SLC6A19: variants seen among roughly 807,000 people sequenced by gnomAD.
The protein encoded by SLC6A19 is solute carrier family 6 member 19, also known as sodium-dependent neutral amino acid transporter B(0)AT1.
A neutral mutation model predicts 68.3 loss-of-function variants in SLC6A19; 67 were observed. The observed-to-expected ratio is 0.98, with a 90% CI of 0.81 to 1.20. The LOEUF (loss-of-function observed/expected upper bound fraction) is 1.20, where lower values mean the gene tolerates loss of function less well. Ranked by LOEUF, SLC6A19 falls within the 50% of genes most tolerant of loss-of-function variation. The probability of loss-of-function intolerance (pLI) is 0.00; values close to 1 mark genes in which losing one functional copy is unlikely to be tolerated. For missense variants in SLC6A19, 813 were observed against 851.6 expected (o/e 0.95, Z 0.56); for synonymous variants, 392 against 374.9 (o/e 1.05, Z -0.53).
In SLC6A19 at chr5:1,223,156, G is replaced by A. The variant is rs1477567051; in HGVS notation, c.*1252G>A. On this transcript the variant is annotated 3_prime_UTR_variant, in exon 12 of 12. Coordinates refer to ENST00000304460, the MANE Select transcript of SLC6A19 (RefSeq NM_001003841.3). ...CCTGCCTCCAGTCGGCCGCTGCCGA[G>A]TCTCTGCGTTCTGGCCGCTTCCCGG... The A allele has an allele frequency of 6.6e-6, 1 of 152,260 alleles. No individual in the cohort carries two copies. The highest frequency in any genetic ancestry group is 1.5e-5 in the Non-Finnish European group (1 of 68,046). 9.4% of individuals were successfully genotyped at this position (152,260 alleles called of 1,614,324 possible). A position where few individuals can be genotyped will look rare whatever the true frequency, so the allele number is the denominator to read the frequency against.
At position 1,219,532 on chromosome 5, in the gene SLC6A19, T is replaced by C. The variant is rs139235771; in HGVS notation, c.1406T>C (p.Ile469Thr). ...TGLICLGTFL[I>T]GFIFTLNSGQ... ...CTCATCTGCCTGGGGACATTCCTCA[T>C]TGGCTTCATCTTCACGCTGAACTCC... Residue 469 changes from isoleucine (I) to threonine (T), a missense_variant, in exon 10 of 12, where the codon ATT (isoleucine) becomes ACT (threonine). Ile to Thr is a moderately conservative substitution (Grantham distance 89). Transcript: ENST00000304460. The C allele has an allele frequency of 2.0e-5, 33 of 1,612,388 alleles. No individual in the cohort carries two copies. In the East Asian group the frequency reaches 4.5e-4, roughly 22 times the overall value.
chr5:1,221,219 T>TCACATGAGCA lies in SLC6A19; in HGVS notation c.1607_1608insCACATGAGCA (p.Val537ThrfsTer2). Reference sequence around the variant, plus strand: ...ATCTTCTGGCAAGTCACGTGGCGCGTGGTCAGCCCCCTGCTCATGCTGATC... The same window carrying TCACATGAGCA: ...ATCTTCTGGCAAGTCACGTGGCGCGTCACATGAGCAGGTCAGCCCCCTGCTCATGCTGATC... On this transcript the variant is annotated stop_gained and frameshift_variant, in exon 11 of 12. Transcript: ENST00000304460. LOFTEE classifies it high-confidence loss of function. 1 of 1,614,154 alleles carries TCACATGAGCA rather than the reference T, an allele frequency of 6.2e-7. No individual in the cohort carries two copies. The highest frequency in any genetic ancestry group is 2.2e-5 in the East Asian group (1 of 44,876).
intron 1 of SLC6A19, among the ~76,000 whole-genome samples, chr5:1,202,771 C>T (rs957358103): frequency 6.6e-6 from 1 of 152,220 alleles, no homozygotes; most frequent in African/African-American, 2.4e-5. Context: ...TGGAGAGCTG[C>T]TGTCTCTCAC....
chr5:1,203,591 C>A (rs1745774293), intron 1 of SLC6A19, among the ~76,000 whole-genome samples: 1 of 152,096 alleles, frequency 6.6e-6, no homozygotes, highest in South Asian at 2.1e-4. Flanking sequence ...GCCACCAGGT[C>A]ACCTGCTAGA....
At position 1,209,673 on chromosome 5, in the gene SLC6A19, CCT is replaced by C. The variant is rs547675835; in HGVS notation, c.344-763_344-762del. Among the ~76,000 whole-genome samples the C allele has an allele frequency of 2.7e-5, 4 of 149,564 alleles. No homozygotes were observed. Among genetic ancestry groups the C allele is most frequent in the African/African-American group, 9.9e-5 (4 of 40,490 alleles). On this transcript the variant is annotated intron_variant, in intron 2 of 11. Coordinates refer to ENST00000304460, the MANE Select transcript of SLC6A19 (RefSeq NM_001003841.3). The surrounding 1 kb of genome is among the most constrained non-coding windows in gnomAD (Gnocchi z 5.5). ...TCCCCTCCTATTCTCTCCCTTCCCC[CCT>C]CTCTCTCATCCTCCTCCTCTCTCTC...
intron 8 of SLC6A19, 70 bp downstream of exon 8, chr5:1,217,015 C>T: frequency 6.2e-7 from 1 of 1,605,846 alleles, no homozygotes. Flanking sequence ...CCGGCCACCC[C>T]TGGGCCCCTG....
rs2126518964 is a variant in SLC6A19 at position 1,223,699 on chromosome 5, T to C, written c.*1795T>C. On this transcript the variant is annotated 3_prime_UTR_variant, in exon 12 of 12. Coordinates refer to ENST00000304460, the MANE Select transcript of SLC6A19 (RefSeq NM_001003841.3). ...TTACATTAAACTGGTGTTCTGAGAG[T>C]TCCTACGGACAGGTCACCTCTGCTT... is the stretch of plus-strand genomic sequence containing the variant. 6.9e-6 allele frequency: 1 copy of C among 145,510 alleles called. No homozygotes were observed. 9.0% of individuals were successfully genotyped at this position (145,510 alleles called of 1,614,324 possible). A position where few individuals can be genotyped will look rare whatever the true frequency, so the allele number is the denominator to read the frequency against.
intron 1 of SLC6A19, among the ~76,000 whole-genome samples, chr5:1,203,282 C>A (rs1370690509): frequency 6.6e-6 from 1 of 152,186 alleles, no homozygotes; most frequent in Non-Finnish European, 1.5e-5. Context: ...GGGCTCCCAG[C>A]ACCTCAGATA....
chr5:1,203,565 C>T (rs980741888), intron 1 of SLC6A19, among the ~76,000 whole-genome samples: 1 of 152,248 alleles, frequency 6.6e-6, no homozygotes, highest in African/African-American at 2.4e-5. Flanking sequence ...TTCCCCTGAC[C>T]TGGCCCTTCG....
rs1446932313 is a variant in SLC6A19, at chr5:1,221,855, T to C, written c.1856T>C (p.Leu619Pro). The change falls in exon 12 of 12, where the codon CTG becomes CCG. Residue 619 changes from leucine to proline, a missense_variant. By Grantham distance (98) the Leu-to-Pro change is moderately conservative. Coordinates refer to ENST00000304460, the MANE Select transcript of SLC6A19 (RefSeq NM_001003841.3). The stretch of plus-strand genomic sequence containing the variant: ...CAGAAGCCAGGGGACCATCAGGGGC[T>C]GGTGAGCACACTGTCCACAGCCTCC... Reference protein sequence around the residue: ...HCQKPGDHQGLVSTLSTASMN... With the variant: ...HCQKPGDHQGPVSTLSTASMN... 1 of 1,614,040 alleles carries C rather than the reference T, an allele frequency of 6.2e-7. No homozygotes were observed. The highest frequency in any genetic ancestry group is 1.3e-5 in the African/African-American group (1 of 74,916).
chr5:1,208,744 A>G lies in SLC6A19; in HGVS notation c.203-2A>G. ...AGGCATGGTGGACTCCTCCCATTGC[A>G]GGAGCCTTCATGATCCCGTTCCTCA... On this transcript the variant is annotated splice_acceptor_variant, in intron 1 of 11. Coordinates refer to ENST00000304460, the MANE Select transcript of SLC6A19 (RefSeq NM_001003841.3). LOFTEE classifies it high-confidence loss of function. 3.1e-6 allele frequency: 5 copies of G among 1,613,382 alleles called. No homozygotes were observed. Among genetic ancestry groups the G allele is most frequent in the Non-Finnish European group, 4.2e-6 (5 of 1,179,976 alleles).
Position 1,212,564 on chromosome 5 carries a change from A to G in SLC6A19, c.663+80A>G. On this transcript the variant is annotated intron_variant, in intron 4 of 11. Coordinates refer to ENST00000304460, the MANE Select transcript of SLC6A19 (RefSeq NM_001003841.3). The surrounding 1 kb of genome is among the most constrained non-coding windows in gnomAD (Gnocchi z 5.1). ...CCCTGCCTCCGGCCGGCTGCACTCT[A>G]AAACCCAGGTCTGGGGGTCCCGGGC... The G allele has an allele frequency of 1.3e-6, 2 of 1,564,786 alleles. No individual in the cohort carries two copies. The highest frequency in any genetic ancestry group is 1.7e-6 in the Non-Finnish European group (2 of 1,152,558).
rs1746052210 is a variant in SLC6A19, at chr5:1,212,026, A to G, written c.482-277A>G. 7.5e-6 allele frequency among the ~76,000 whole-genome samples: 1 copy of G among 133,694 alleles called. No homozygotes were observed. Among genetic ancestry groups the G allele is most frequent in the Admixed American group, 7.5e-5 (1 of 13,378 alleles). The allele number at this position is 133,694 out of a possible 152,430, so 87.7% of individuals were successfully genotyped here. A position where few individuals can be genotyped will look rare whatever the true frequency, so the allele number is the denominator to read the frequency against. ...CATGTGAGCATGTGTGCCTCTGTGC[A>G]TGTGTGTGCTGTGTGTGTGTGTGCA... On this transcript the variant is annotated intron_variant, in intron 3 of 11. Transcript: ENST00000304460. This position sits in a 1 kb window ranked among gnomAD's most constrained non-coding sequence, Gnocchi z 5.1.
At position 1,222,350 on chromosome 5, in the gene SLC6A19, G is replaced by T. The variant is rs566749570; in HGVS notation, c.*446G>T. 3.5e-5 allele frequency: 17 copies of T among 482,108 alleles called. No individual in the cohort carries two copies. The highest frequency in any genetic ancestry group is 2.3e-4 in the African/African-American group (12 of 52,460). 29.9% of individuals were successfully genotyped at this position (482,108 alleles called of 1,614,324 possible). ...TGTGTGAACACACACGTGTATACAT[G>T]CATGCACATGTGCTCGTACAATGGG... On this transcript the variant is annotated 3_prime_UTR_variant, in exon 12 of 12. Transcript: ENST00000304460.
At chr5:1,213,809 G>T in intron 5 of SLC6A19, 144 bp from the exon 6 acceptor site, 1 of 1,353,674 alleles carries the variant, frequency 7.4e-7, no homozygotes, top group Non-Finnish European at 1.0e-6. Flanking sequence ...CACAGGGAAG[G>T]CATAGCTGCC....
chr5:1,216,892 G>A lies in SLC6A19; in HGVS notation c.1120G>A (p.Ala374Thr), dbSNP rs759103357. ...GCGGTGCAACGCCTCCGACCCCGCGGCCTACGCGCAGCTGGTGTTCCAGAC... is the reference window on the plus strand; with the variant it reads ...GCGGTGCAACGCCTCCGACCCCGCGACCTACGCGCAGCTGGTGTTCCAGAC... Reference protein sequence around the residue: ...QQRCNASDPAAYAQLVFQTCD... With the variant: ...QQRCNASDPATYAQLVFQTCD... The change falls in exon 8 of 12, where the codon GCC becomes ACC. Residue 374 changes from alanine (A) to threonine (T), a missense_variant. Coordinates refer to ENST00000304460, the MANE Select transcript of SLC6A19 (RefSeq NM_001003841.3). The A allele has an allele frequency of 2.5e-6, 4 of 1,613,628 alleles. No individual in the cohort carries two copies. The highest frequency in any genetic ancestry group is 3.4e-6 in the Non-Finnish European group (4 of 1,180,030).
In SLC6A19 at chr5:1,216,848, A is replaced by G; in HGVS notation, c.1076A>G (p.Asn359Ser). 1.2e-6 allele frequency: 2 copies of G among 1,613,782 alleles called. No homozygotes were observed. The highest frequency in any genetic ancestry group is 1.7e-6 in the Non-Finnish European group (2 of 1,180,022). The change falls in exon 8 of 12, where the codon AAC becomes AGC. Residue 359 changes from asparagine to serine, a missense_variant. By Grantham distance (46) the Asn-to-Ser change is conservative (BLOSUM62 1). Transcript: ENST00000304460. ...DLPEGNVTQENFVDMQQRCNA... is the reference protein window; with the variant it reads ...DLPEGNVTQESFVDMQQRCNA... The stretch of plus-strand genomic sequence containing the variant: ...CCTGAAGGCAACGTGACCCAGGAGA[A>G]CTTTGTGGACATGCAGCAGCGGTGC...
chr5:1,218,865 A>G, intron 8 of SLC6A19, 38 bp from the exon 9 acceptor site: 1 of 1,600,480 alleles, frequency 6.2e-7, no homozygotes, highest in East Asian at 2.2e-5. Context: ...GAGCCCACGG[A>G]GGGCAGAGGC....
Position 1,221,878 on chromosome 5 carries a change from T to C in SLC6A19, c.1879T>C (p.Ser627Pro). Reference protein sequence around the residue: ...QGLVSTLSTASMNGDLKY With the variant: ...QGLVSTLSTAPMNGDLKY ...GCTGGTGAGCACACTGTCCACAGCC[T>C]CCATGAACGGGGACCTGAAGTACTG... Residue 627 changes from serine to proline, a missense_variant, in exon 12 of 12, where the codon TCC becomes CCC. Coordinates refer to ENST00000304460, the MANE Select transcript of SLC6A19 (RefSeq NM_001003841.3). The C allele has an allele frequency of 6.2e-7, 1 of 1,614,040 alleles. No homozygotes were observed. The highest frequency in any genetic ancestry group is 8.5e-7 in the Non-Finnish European group (1 of 1,179,998).
Sources: gnomAD v4.1 joint callset for allele counts (sites outside exome capture counted in the v4.1 genomes callset) on GRCh38, gnomAD v4.1.1 for gene constraint, Gnocchi (gnomAD v3.1) non-coding constraint, MANE v1.5 for transcripts, NCBI Gene and HGNC (gene_info 2026-07-23, HGNC 2026-07-21) for gene names.